The following KLRG1 variants were observed in gnomAD, a reference collection of about 807,000 sequenced individuals.
The protein encoded by KLRG1 is killer cell lectin-like receptor subfamily G member 1.
In KLRG1, 16 loss-of-function variants were observed where a neutral mutation model predicts 21.8. The ratio of observed to expected loss-of-function variants is 0.73; its 90% confidence interval spans 0.50 to 1.11. The LOEUF (loss-of-function observed/expected upper bound fraction) is 1.11, where lower values mean the gene tolerates loss of function less well. Ranked by LOEUF, KLRG1 falls within the 50% of genes most tolerant of loss-of-function variation. The pLI is 0.00. For synonymous variants in KLRG1, 69 were observed against 75.9 expected (o/e 0.91, Z 0.47); for missense variants, 173 against 218.3 (o/e 0.79, Z 1.31).
At chr12:8,951,288 C>T (rs1946199125) in intron 1 of KLRG1, among the ~76,000 whole-genome samples, 1 of 143,078 alleles carries the variant, frequency 7.0e-6, no homozygotes, top group Non-Finnish European at 1.5e-5. Flanking sequence ...GCCTGGGCAA[C>T]ATAGTGAGAC....
chr12:9,082,264 C>T, the KLRG1 span, among the ~76,000 whole-genome samples: 637 of 152,284 alleles, frequency 4.2e-3, 7 homozygotes, highest in Middle Eastern at 0.014. Flanking sequence ...CCTCACAGCC[C>T]GGATTGTGAC....
the KLRG1 span, among the ~76,000 whole-genome samples, chr12:9,164,797 A>G: frequency 6.6e-6 from 1 of 152,210 alleles, no homozygotes; most frequent in Non-Finnish European, 1.5e-5. Context: ...TTTCAAGATG[A>G]CGGGTTGGAG....
At position 9,002,569 on chromosome 12, in the gene KLRG1, TTTGTTG is replaced by T. The variant is rs142307481; in HGVS notation, c.358-6385_358-6380del. ...CTCAGTTACCACCTTTACCTATACTTTTGTTGTTGTTGTTGTTGTTGTTGTTTGAGA... is the reference window on the plus strand; with the variant it reads ...CTCAGTTACCACCTTTACCTATACTTTTGTTGTTGTTGTTGTTGTTTGAGA... On this transcript the variant is annotated intron_variant, in intron 3 of 4. Coordinates refer to ENST00000356986, the MANE Select transcript of KLRG1 (RefSeq NM_005810.4). Among the ~76,000 whole-genome samples, 44 of 151,090 alleles carry T rather than the reference TTTGTTG, an allele frequency of 2.9e-4. No homozygotes were observed. The South Asian group carries it at 8.2e-3, about 28-fold the overall frequency.
At chr12:9,148,364 T>A in the KLRG1 span, among the ~76,000 whole-genome samples, 1 of 152,210 alleles carries the variant, frequency 6.6e-6, no homozygotes, top group African/African-American at 2.4e-5. Flanking sequence ...AACCCTTGAG[T>A]CACTGCATCC....
chr12:9,113,306 C>A, the KLRG1 span: 1 of 1,576,644 alleles, frequency 6.3e-7, no homozygotes, highest in South Asian at 1.2e-5. Flanking sequence ...ATACTAGATC[C>A]CTATGACCCT....
chr12:9,009,930 G>C lies in KLRG1; in HGVS notation c.*393G>C. The C allele has an allele frequency of 2.0e-6, 3 of 1,516,374 alleles. No individual in the cohort carries two copies. Among genetic ancestry groups the C allele is most frequent in the East Asian group, 2.5e-5 (1 of 40,788 alleles). The allele number at this position is 1,516,374 out of a possible 1,614,324, so 93.9% of individuals were successfully genotyped here. On this transcript the variant is annotated 3_prime_UTR_variant, in exon 5 of 5. Coordinates refer to ENST00000356986, the MANE Select transcript of KLRG1 (RefSeq NM_005810.4). The stretch of plus-strand genomic sequence containing the variant: ...AATATATACTATTGCTTGTGTACTA[G>C]AGAAGTACATTATTGCTGTACTCCT...
At chr12:9,007,914 TTATTTTAATC>T (rs1247503002) in intron 3 of KLRG1, among the ~76,000 whole-genome samples, 1 of 152,260 alleles carries the variant, frequency 6.6e-6, no homozygotes, top group Non-Finnish European at 1.5e-5. Context: ...TTCTAACCTT[TTATTTTAATC>T]TATTTTAATC....
At chr12:9,092,845 A>G in the KLRG1 span, among the ~76,000 whole-genome samples, 1 of 152,248 alleles carries the variant, frequency 6.6e-6, no homozygotes, top group South Asian at 2.1e-4. Context: ...CACAGTTGCC[A>G]AGATATAAAA....
At chr12:9,133,736 G>T in the KLRG1 span, among the ~76,000 whole-genome samples, 1 of 152,134 alleles carries the variant, frequency 6.6e-6, no homozygotes, top group Admixed American at 6.5e-5. Flanking sequence ...TAGAGAGAGG[G>T]CCAATGTGCT....
chr12:9,080,705 A>G, the KLRG1 span, among the ~76,000 whole-genome samples: 4 of 152,368 alleles, frequency 2.6e-5, no homozygotes, highest in South Asian at 8.3e-4. Context: ...TAAGGAAGTG[A>G]AGACGAACAG....
At chr12:8,982,955 A>G (rs1374386281) in intron 1 of KLRG1, among the ~76,000 whole-genome samples, 7 of 152,102 alleles carry the variant, frequency 4.6e-5, no homozygotes, top group Admixed American at 2.6e-4. Flanking sequence ...CAGAACAGAC[A>G]ATATCTTTTT....
chr12:8,985,525 C>G (rs1039912822), upstream of KLRG1, among the ~76,000 whole-genome samples: 1 of 152,204 alleles, frequency 6.6e-6, no homozygotes, highest in Non-Finnish European at 1.5e-5. Context: ...CCCACAGACA[C>G]CAGTCACAAG....
At chr12:9,089,104 A>G in the KLRG1 span, 2 of 982,970 alleles carry the variant, frequency 2.0e-6, no homozygotes, top group Non-Finnish European at 3.0e-6. Flanking sequence ...TTCAGGTCTT[A>G]GATCACAGAG....
At chr12:9,042,605 G>A in the KLRG1 span, among the ~76,000 whole-genome samples, 2 of 152,108 alleles carry the variant, frequency 1.3e-5, no homozygotes, top group African/African-American at 4.8e-5. Context: ...AGGTAGAGAG[G>A]GACCTGTCTT....
chr12:9,066,976 A>C, the KLRG1 span: 1 of 152,244 alleles, frequency 6.6e-6, no homozygotes, highest in Non-Finnish European at 1.5e-5. Context: ...TATATGTCGC[A>C]ATACTTACTG....
chr12:9,082,240 A>G, the KLRG1 span, among the ~76,000 whole-genome samples: 3 of 152,204 alleles, frequency 2.0e-5, no homozygotes, highest in African/African-American at 7.2e-5. Context: ...ATCCCAAGCA[A>G]CAACTCTACC....
At chr12:9,086,941 G>T in the KLRG1 span, among the ~76,000 whole-genome samples, 1 of 152,164 alleles carries the variant, frequency 6.6e-6, no homozygotes, top group Admixed American at 6.5e-5. Flanking sequence ...CAATAAAGTT[G>T]CAAGATACAA....
the KLRG1 span, chr12:9,080,225 A>G: frequency 7.6e-7 from 1 of 1,323,034 alleles, no homozygotes; most frequent in Admixed American, 2.0e-5. Flanking sequence ...TCTGCATTAT[A>G]TCTTTCTAAA....
the KLRG1 span, chr12:9,067,650 T>C: frequency 7.0e-6 from 5 of 711,892 alleles, no homozygotes; most frequent in Admixed American, 2.0e-5. Context: ...TGGTATTCTA[T>C]TGGGAATCAT....
Sources: gnomAD v4.1 joint callset for allele counts (sites outside exome capture counted in the v4.1 genomes callset) on GRCh38, gnomAD v4.1.1 for gene constraint, MANE v1.5 for transcripts, NCBI Gene and HGNC (gene_info 2026-07-23, HGNC 2026-07-21) for gene names.